Variants in HDAC3 observed in about 807,000 individuals in gnomAD.
The protein encoded by HDAC3 is histone deacetylase 3.
In HDAC3, 21 loss-of-function variants were observed where a neutral mutation model predicts 62.3. The ratio of observed to expected loss-of-function variants is 0.34; its 90% CI spans 0.24 to 0.49. HDAC3 has a LOEUF of 0.49. Ranked by LOEUF, HDAC3 falls within the 20% of genes least tolerant of loss-of-function variation. The probability of loss-of-function intolerance (pLI) is 0.99; values close to 1 mark genes in which losing one functional copy is unlikely to be tolerated. For synonymous variants in HDAC3, 198 were observed against 206.5 expected (o/e 0.96, Z 0.35); for missense variants, 270 against 556.9 (o/e 0.48, Z 5.19).
Position 141,636,831 on chromosome 5 carries a change from G to C in HDAC3, c.-41C>G, listed in dbSNP as rs538001058. On this transcript the variant is annotated 5_prime_UTR_variant, in exon 1 of 15. Transcript: ENST00000305264. ...AGGCCCCGCACCTCCGCCGCCCGCCGCCCGCGGCCGCCGCCAGCCCCTCCC... is the reference window on the plus strand; with the variant it reads ...AGGCCCCGCACCTCCGCCGCCCGCCCCCCGCGGCCGCCGCCAGCCCCTCCC... 1.4e-6 allele frequency: 2 copies of C among 1,438,314 alleles called. No homozygotes were observed. The highest frequency in any genetic ancestry group is 2.9e-5 in the Admixed American group (1 of 34,542). The allele number at this position is 1,438,314 out of a possible 1,614,324, so 89.1% of individuals were successfully genotyped here. A position where few individuals can be genotyped will look rare whatever the true frequency, so the allele number is the denominator to read the frequency against.
intron 14 of HDAC3, among the ~76,000 whole-genome samples, chr5:141,622,195 G>A (rs2099903803): frequency 6.6e-6 from 1 of 152,184 alleles, no homozygotes; most frequent in African/African-American, 2.4e-5. Context: ...CAAGGTAAAG[G>A]AGAGTTTTAA....
chr5:141,624,372 C>CAAAAAAA lies in HDAC3; in HGVS notation c.1217+829_1217+835dup, dbSNP rs58610895. Among the ~76,000 whole-genome samples, 27 of 22,098 alleles carry CAAAAAAA rather than the reference C, an allele frequency of 1.2e-3. 1 individual carries two copies. The highest frequency in any genetic ancestry group is 3.1e-3 in the South Asian group (1 of 320). The allele number at this position is 22,098 out of a possible 152,430, so 14.5% of individuals were successfully genotyped here. On this transcript the variant is annotated intron_variant, in intron 14 of 14. Transcript: ENST00000305264. ...CAACAAGGCAAGACTCCGTCTCTAC[C>CAAAAAAA]AAAAAAAAAAAAAAAAAAAAAAAAA...
intron 2 of HDAC3, chr5:141,635,215 C>T (rs867928681): frequency 5.5e-6 from 2 of 364,578 alleles, no homozygotes; most frequent in African/African-American, 2.1e-5. Flanking sequence ...ATCCACCTGC[C>T]CTGTTCCTTG....
chr5:141,635,990 C>T (rs894406441), intron 2 of HDAC3: 1 of 152,928 alleles, frequency 6.5e-6, no homozygotes, highest in Admixed American at 6.5e-5. Flanking sequence ...AGATGAAAAA[C>T]TGGATAGCGA....
intron 2 of HDAC3, 107 bp from the exon 3 acceptor site, chr5:141,635,060 G>T: frequency 9.2e-7 from 1 of 1,088,290 alleles, no homozygotes; most frequent in Non-Finnish European, 1.3e-6. Context: ...GCCAAACATA[G>T]CATTCCCCTC....
rs368083837 is a variant in HDAC3, at chr5:141,628,771, A to T, written c.611-132T>A. The stretch of plus-strand genomic sequence containing the variant: ...CACCATAAACTCCCTAGAGCCACTA[A>T]ATCTCTTGCAGCTTGCATTCATTGG... On this transcript the variant is annotated intron_variant, in intron 7 of 14. Transcript: ENST00000305264. The surrounding 1 kb of genome is among the most constrained non-coding windows in gnomAD (Gnocchi z 4.7). 2 of 661,640 alleles carry T rather than the reference A, an allele frequency of 3.0e-6. No individual in the cohort carries two copies. Among genetic ancestry groups the T allele is most frequent in the African/African-American group, 1.8e-5 (1 of 54,978 alleles). 41.0% of individuals were successfully genotyped at this position (661,640 alleles called of 1,614,324 possible).
intron 14 of HDAC3, 32 bp from the exon 15 acceptor site, chr5:141,621,569 C>T (rs2099903707): frequency 6.3e-7 from 1 of 1,579,634 alleles, no homozygotes; most frequent in African/African-American, 1.3e-5. Context: ...GTCAGGATCT[C>T]ACTCTAAGTT....
In HDAC3 at chr5:141,621,474, C is replaced by T; in HGVS notation, c.1281G>A (p.Glu427=). ...DHDNDKESDV[E]I ...ACAGCATCCCAAGCCACTCTTAAATCTCCACATCGCTTTCCTTGTCATTGT... is the reference window on the plus strand; with the variant it reads ...ACAGCATCCCAAGCCACTCTTAAATTTCCACATCGCTTTCCTTGTCATTGT... Residue 427 remains glutamate (E), a synonymous_variant, in exon 15 of 15, where the codon GAG becomes GAA. Coordinates refer to ENST00000305264, the MANE Select transcript of HDAC3 (RefSeq NM_003883.4). 1 of 1,614,002 alleles carries T rather than the reference C, an allele frequency of 6.2e-7. No individual in the cohort carries two copies. The highest frequency in any genetic ancestry group is 8.5e-7 in the Non-Finnish European group (1 of 1,179,866).
chr5:141,627,946 G>A lies in HDAC3; in HGVS notation c.777C>T (p.Asp259=), dbSNP rs775922925. ...AGCCCAATCGATCACAGCCCAGAGA[G>A]TCAGCTCCACACTGCAAAAAGCAAA... The part of the protein sequence containing the change: ...PTCIVLQCGA[D]SLGCDRLGCF... Residue 259 remains aspartate, a synonymous_variant, in exon 10 of 15, where the codon GAC becomes GAT. Transcript: ENST00000305264. The A allele has an allele frequency of 6.2e-7, 1 of 1,614,156 alleles. No individual in the cohort carries two copies.
chr5:141,633,698 C>G (rs1334390493), intron 3 of HDAC3, among the ~76,000 whole-genome samples: 2 of 151,476 alleles, frequency 1.3e-5, no homozygotes, highest in African/African-American at 4.9e-5. Context: ...TGGTGGCAGG[C>G]GCCTGTAATC....
chr5:141,628,312 C>G lies in HDAC3; in HGVS notation c.692-125G>C, dbSNP rs559983696. Reference sequence around the variant, plus strand: ...GGGGCCACCCAAAAGAATCAAATCACTGGTCTGAAACTTCTGGAAGGGATC... The same window carrying G: ...GGGGCCACCCAAAAGAATCAAATCAGTGGTCTGAAACTTCTGGAAGGGATC... On this transcript the variant is annotated intron_variant, in intron 8 of 14. Transcript: ENST00000305264. The surrounding 1 kb of genome is among the most constrained non-coding windows in gnomAD (Gnocchi z 4.7). 111 of 837,202 alleles carry G rather than the reference C, an allele frequency of 1.3e-4. No individual in the cohort carries two copies. Among genetic ancestry groups the G allele is most frequent in the Non-Finnish European group, 2.1e-4 (108 of 508,334 alleles). The allele number at this position is 837,202 out of a possible 1,614,324, so 51.9% of individuals were successfully genotyped here.
At chr5:141,633,724 T>G (rs1284816981) in intron 3 of HDAC3, among the ~76,000 whole-genome samples, 1 of 148,580 alleles carries the variant, frequency 6.7e-6, no homozygotes, top group Non-Finnish European at 1.5e-5. Context: ...TACTCGGGAG[T>G]CTGAGGCATG....
At chr5:141,630,958 A>T (rs2099905124) in intron 3 of HDAC3, among the ~76,000 whole-genome samples, 1 of 149,820 alleles carries the variant, frequency 6.7e-6, no homozygotes, top group African/African-American at 2.5e-5. Flanking sequence ...AATTGTTGGG[A>T]CTACAGGTGT....
rs2099904857 is a variant in HDAC3, at chr5:141,629,088, G to T, written c.610+85C>A. 6 of 1,417,558 alleles carry T rather than the reference G, an allele frequency of 4.2e-6. No individual in the cohort carries two copies. The highest frequency in any genetic ancestry group is 5.9e-6 in the Non-Finnish European group (6 of 1,024,694). 87.8% of individuals were successfully genotyped at this position (1,417,558 alleles called of 1,614,324 possible). Reference sequence around the variant, plus strand: ...AGGCTTCTCTGAGGAGGGGACACCTGAGATGAGACTAGAAGGCTGAGAAGG... The same window carrying T: ...AGGCTTCTCTGAGGAGGGGACACCTTAGATGAGACTAGAAGGCTGAGAAGG... On this transcript the variant is annotated intron_variant, in intron 7 of 14. Coordinates refer to ENST00000305264, the MANE Select transcript of HDAC3 (RefSeq NM_003883.4). The surrounding 1 kb of genome is among the most constrained non-coding windows in gnomAD (Gnocchi z 5.3).
chr5:141,625,689 C>A lies in HDAC3; in HGVS notation c.1055G>T (p.Arg352Leu), dbSNP rs2099904340. ...CAGCTTTTCTGAGCTGCTGACCTGG[C>A]GTGAGTTCTGATTCTCGATGCGGGT... ...VSTRIENQNS[R>L]QYLDQIRQTI... Residue 352 changes from arginine to leucine, a missense_variant, in exon 13 of 15, where the codon CGC (arginine) becomes CTC (leucine). By Grantham distance (102) the Arg-to-Leu change is moderately radical. This residue lies in a region of HDAC3 where 156 missense variants were observed against 383.9 expected (regional missense o/e 0.41). Coordinates refer to ENST00000305264, the MANE Select transcript of HDAC3 (RefSeq NM_003883.4). The surrounding 1 kb of genome is among the most constrained non-coding windows in gnomAD (Gnocchi z 4.0). 6.2e-7 allele frequency: 1 copy of A among 1,613,896 alleles called. No individual in the cohort carries two copies. Among genetic ancestry groups the A allele is most frequent in the Admixed American group, 1.7e-5 (1 of 59,994 alleles).
chr5:141,631,740 T>C (rs762479905), intron 3 of HDAC3, among the ~76,000 whole-genome samples: 5 of 152,218 alleles, frequency 3.3e-5, no homozygotes, highest in Non-Finnish European at 7.3e-5. Flanking sequence ...ACAAACTGTT[T>C]AACCTTTCTG....
In HDAC3 at chr5:141,625,579, C is replaced by G. The variant is rs2099904322; in HGVS notation, c.1059+106G>C. 8.1e-7 allele frequency: 1 copy of G among 1,235,286 alleles called. No individual in the cohort carries two copies. 76.5% of individuals were successfully genotyped at this position (1,235,286 alleles called of 1,614,324 possible). ...TAGTCAATAACAGTGACTGTGATGG[C>G]TTAGAACTTCCTTCTCTTTGGTTTT... On this transcript the variant is annotated intron_variant, in intron 13 of 14. Transcript: ENST00000305264. This position sits in a 1 kb window ranked among gnomAD's most constrained non-coding sequence, Gnocchi z 4.0.
intron 2 of HDAC3, chr5:141,636,203 C>A: frequency 3.2e-6 from 1 of 314,894 alleles, no homozygotes; most frequent in Non-Finnish European, 6.2e-6. Context: ...GATATCCGCT[C>A]CCCTAACCCT....
intron 3 of HDAC3, among the ~76,000 whole-genome samples, chr5:141,633,769 T>C (rs2099905569): frequency 7.2e-6 from 1 of 138,126 alleles, no homozygotes; most frequent in South Asian, 2.2e-4. Flanking sequence ...GAGGTTGCAG[T>C]GAGCCAAGAC....
Sources: allele counts gnomAD v4.1 joint callset (sites outside exome capture counted in the v4.1 genomes callset), GRCh38; gene constraint gnomAD v4.1.1; regional missense constraint gnomAD v4.1.1; non-coding constraint Gnocchi (gnomAD v3.1); transcripts MANE v1.5; gene names NCBI Gene and HGNC (gene_info 2026-07-23, HGNC 2026-07-21).